AMPH: variants seen among roughly 807,000 people sequenced by gnomAD.
AMPH encodes amphiphysin.
AMPH carries 49 observed loss-of-function variants against 99.1 expected under a neutral mutation model. That is an observed-to-expected ratio of 0.49 (90% CI 0.39 to 0.63). The LOEUF is 0.63. AMPH is among the 20% of genes least tolerant of loss of function. The pLI, the probability that AMPH is intolerant of heterozygous loss-of-function variation, is 0.00. For missense variants in AMPH, 759 were observed against 863.4 expected, an observed-to-expected ratio of 0.88 and a Z score of 1.52; for synonymous variants, 314 against 317.3, an observed-to-expected ratio of 0.99 and a Z score of 0.11.
intron 1 of AMPH, among the ~76,000 whole-genome samples, chr7:38,588,071 C>G (rs953074921): frequency 6.6e-6 from 1 of 151,926 alleles, no homozygotes; most frequent in African/African-American, 2.4e-5. Context: ...CCCACCTCTG[C>G]CTCCCAAGTA....
At chr7:38,566,215 T>C (rs570344016) in intron 1 of AMPH, among the ~76,000 whole-genome samples, 1 of 152,288 alleles carries the variant, frequency 6.6e-6, no homozygotes, top group South Asian at 2.1e-4. Context: ...AAAAGCACCT[T>C]GAGACAAAAG....
rs1440216867 is a variant in AMPH at position 38,394,173 on chromosome 7, C to T, written c.1440G>A (p.Leu480=). ...CTGGGGCCCCCTCAGCTGCTGACAC[C>T]AAGGTTCCAACAGCTGCATCAGCAT... is the stretch of plus-strand genomic sequence containing the variant. ...GADADAAVGT[L]VSAAEGAPGE... is the part of the protein sequence containing the mutation. Residue 480 remains leucine, a synonymous_variant, in exon 18 of 21, where the codon TTG becomes TTA. Transcript: ENST00000356264. 1 of 1,614,230 alleles carries T rather than the reference C, an allele frequency of 6.2e-7. No homozygotes were observed. The highest frequency in any genetic ancestry group is 8.5e-7 in the Non-Finnish European group (1 of 1,180,048).
chr7:38,464,070 T>C (rs757882431), intron 9 of AMPH: 6 of 1,289,726 alleles, frequency 4.7e-6, no homozygotes, highest in Non-Finnish European at 5.1e-6. Context: ...TTAATAGAGA[T>C]GCCACTGAGC....
chr7:38,470,361 C>T (rs1355436928), intron 7 of AMPH, among the ~76,000 whole-genome samples: 1 of 152,172 alleles, frequency 6.6e-6, no homozygotes, highest in African/African-American at 2.4e-5. Context: ...TATAATCAAG[C>T]TTCTGATCCC....
chr7:38,442,531 T>C (rs1786594577), intron 11 of AMPH, among the ~76,000 whole-genome samples: 1 of 152,206 alleles, frequency 6.6e-6, no homozygotes, highest in African/African-American at 2.4e-5. Context: ...GAATGGTCTC[T>C]AGAAAATCCA....
At position 38,392,034 on chromosome 7, in the gene AMPH, C is replaced by T. The variant is rs368964149; in HGVS notation, c.1609-17G>A. The T allele has an allele frequency of 7.5e-6, 12 of 1,600,754 alleles. No homozygotes were observed. In the East Asian group the frequency reaches 8.9e-5, roughly 12 times the overall value. ...GACCTTCTCCTGGGGGAAGAAAAAC[C>T]GTGGCGATGCCCGGCAGGGCCTGGA... is the stretch of plus-strand genomic sequence containing the variant. On this transcript the variant is annotated splice_polypyrimidine_tract_variant and intron_variant, in intron 18 of 20. Transcript: ENST00000356264.
At position 38,473,787 on chromosome 7, in the gene AMPH, A is replaced by AT. The variant is rs375772009; in HGVS notation, c.590+1543dup. On this transcript the variant is annotated intron_variant, in intron 7 of 20. Coordinates refer to ENST00000356264, the MANE Select transcript of AMPH (RefSeq NM_001635.4). ...GTAAGAGCAAAAAAGTAATATCTGT[A>AT]TTTTTTAAAAAAAAGCCATAGCATC... Among the ~76,000 whole-genome samples, 369 of 144,442 alleles carry AT rather than the reference A, an allele frequency of 2.6e-3. 1 individual carries two copies. Among genetic ancestry groups the AT allele is most frequent in the African/African-American group, 9.0e-3 (354 of 39,218 alleles). The allele number at this position is 144,442 out of a possible 152,430, so 94.8% of individuals were successfully genotyped here. A position where few individuals can be genotyped will look rare whatever the true frequency, so the allele number is the denominator to read the frequency against.
chr7:38,608,646 C>G lies in AMPH; in HGVS notation c.69+22637G>C, dbSNP rs149310957. The stretch of plus-strand genomic sequence containing the variant: ...ATATTGATGCCAATAATTGTCACTA[C>G]AGACACCAATAATCAATACTGACAT... On this transcript the variant is annotated intron_variant, in intron 1 of 20. Coordinates refer to ENST00000356264, the MANE Select transcript of AMPH (RefSeq NM_001635.4). Among the ~76,000 whole-genome samples the G allele has an allele frequency of 5.6e-3, 851 of 152,290 alleles. 5 individuals are homozygous for G. The highest frequency in any genetic ancestry group is 8.0e-3 in the Non-Finnish European group (546 of 68,032).
intron 1 of AMPH, among the ~76,000 whole-genome samples, chr7:38,560,907 C>T (rs1054905955): frequency 2.6e-5 from 4 of 152,208 alleles, no homozygotes; most frequent in African/African-American, 7.2e-5. Flanking sequence ...AATGTGATAC[C>T]TCTGCCATTG....
intron 2 of AMPH, among the ~76,000 whole-genome samples, chr7:38,507,372 C>T (rs961733356): frequency 1.4e-4 from 21 of 152,050 alleles, no homozygotes; most frequent in Admixed American, 1.3e-3. Flanking sequence ...TTAATTTTCC[C>T]CATGAGTATT....
At chr7:38,598,054 T>G (rs1793118984) in intron 1 of AMPH, among the ~76,000 whole-genome samples, 1 of 152,146 alleles carries the variant, frequency 6.6e-6, no homozygotes, top group South Asian at 2.1e-4. Flanking sequence ...AAATGATGAG[T>G]TGTTGGCCCA....
intron 1 of AMPH, among the ~76,000 whole-genome samples, chr7:38,571,666 C>CA (rs1291462260): frequency 1.9e-4 from 26 of 139,272 alleles, no homozygotes; most frequent in Non-Finnish European, 3.8e-4. Context: ...GCTGTTATTA[C>CA]AAAAAACCTC....
At chr7:38,565,184 G>A (rs1374887270) in intron 1 of AMPH, among the ~76,000 whole-genome samples, 1 of 151,154 alleles carries the variant, frequency 6.6e-6, no homozygotes, top group East Asian at 1.9e-4. Flanking sequence ...CCACATAAAT[G>A]ATTCCTTTAA....
intron 1 of AMPH, among the ~76,000 whole-genome samples, chr7:38,541,979 G>T (rs1790825238): frequency 6.6e-6 from 1 of 152,210 alleles, no homozygotes; most frequent in African/African-American, 2.4e-5. Context: ...GTATCATGTT[G>T]CAGAATGCTG....
intron 7 of AMPH, among the ~76,000 whole-genome samples, chr7:38,467,127 G>T (rs1345108339): frequency 6.6e-6 from 1 of 152,148 alleles, no homozygotes; most frequent in Non-Finnish European, 1.5e-5. Context: ...TTTGGGAAAT[G>T]GTAAGCCCCC....
Position 38,465,469 on chromosome 7 carries a change from G to T in AMPH, c.747C>A (p.Pro249=). The change falls in exon 9 of 21, where the codon CCC becomes CCA. Residue 249 remains proline, a splice_region_variant and synonymous_variant. Transcript: ENST00000356264. The stretch of plus-strand genomic sequence containing the variant: ...TGCTCCAATGAGCAGGGGCCTACCT[G>T]GGCGCTCCTTGGATGGTGAAGGCCT... The part of the protein sequence containing the change: ...ADKAFTIQGA[P]SDSGPLRIAK... The T allele has an allele frequency of 6.4e-7, 1 of 1,572,582 alleles. No homozygotes were observed. Among genetic ancestry groups the T allele is most frequent in the East Asian group, 2.3e-5 (1 of 43,506 alleles).
intron 3 of AMPH, among the ~76,000 whole-genome samples, chr7:38,502,362 G>A (rs140042305): frequency 6.6e-6 from 1 of 152,238 alleles, no homozygotes; most frequent in African/African-American, 2.4e-5. Flanking sequence ...GATAACTTAG[G>A]CATCCCCTGA....
intron 16 of AMPH, 95 bp from the exon 17 acceptor site, chr7:38,418,045 T>C (rs1349667261): frequency 2.9e-6 from 4 of 1,390,130 alleles, no homozygotes; most frequent in Non-Finnish European, 3.9e-6. Context: ...TTCTTTGTCA[T>C]CCCATAGGCA....
chr7:38,556,432 GAAGT>G (rs2129047508), intron 1 of AMPH, among the ~76,000 whole-genome samples: 1 of 152,316 alleles, frequency 6.6e-6, no homozygotes, highest in East Asian at 1.9e-4. Flanking sequence ...TTTCAGAAAT[GAAGT>G]AAGTGTAAAG....
Sources: gnomAD v4.1 joint callset for allele counts (sites outside exome capture counted in the v4.1 genomes callset) on GRCh38, gnomAD v4.1.1 for gene constraint, MANE v1.5 for transcripts, NCBI Gene and HGNC (gene_info 2026-07-23, HGNC 2026-07-21) for gene names.